The following TAFA1 variants were observed in gnomAD, a reference collection of about 807,000 sequenced individuals.
TAFA1 encodes the protein chemokine-like protein TAFA-1.
TAFA1 carries 4 observed loss-of-function variants against 18.5 expected under a neutral mutation model. The ratio of observed to expected loss-of-function variants is 0.22; its 90% CI spans 0.11 to 0.49. The LOEUF (loss-of-function observed/expected upper bound fraction) is 0.49. TAFA1 is among the 20% of genes least tolerant of loss of function. The pLI is 0.98. For missense variants in TAFA1, 147 were observed against 169.0 expected, an observed-to-expected ratio of 0.87 and a Z score of 0.72; for synonymous variants, 56 against 55.2, an observed-to-expected ratio of 1.01 and a Z score of -0.06.
In TAFA1 at chr3:68,406,219, T is replaced by G. The variant is rs1019087855; in HGVS notation, c.119-11061T>G. On this transcript the variant is annotated intron_variant, in intron 2 of 4. Coordinates refer to ENST00000478136, the MANE Select transcript of TAFA1 (RefSeq NM_213609.4). ...AAATTAGTATAGCCAGAGGAGTTAT[T>G]CATATAAAATAGCATGGCCTATGTC... Among the ~76,000 whole-genome samples the G allele has an allele frequency of 3.9e-5, 6 of 152,262 alleles. No individual in the cohort carries two copies. The South Asian group carries it at 6.2e-4, about 16-fold the overall frequency.
chr3:68,146,286 C>T (rs763893512), intron 2 of TAFA1, among the ~76,000 whole-genome samples: 12 of 152,126 alleles, frequency 7.9e-5, no homozygotes, highest in South Asian at 2.1e-4. Flanking sequence ...TTGAGGCTGG[C>T]GTAGGGACCA....
At chr3:68,316,702 G>C (rs554572892) in intron 2 of TAFA1, among the ~76,000 whole-genome samples, 81 of 152,216 alleles carry the variant, frequency 5.3e-4, no homozygotes, top group Middle Eastern at 3.4e-3. Context: ...TGCTATACTA[G>C]GTACCAGGGG....
At chr3:68,089,440 A>G (rs2065007291) in intron 2 of TAFA1, among the ~76,000 whole-genome samples, 1 of 152,218 alleles carries the variant, frequency 6.6e-6, no homozygotes, top group Non-Finnish European at 1.5e-5. Flanking sequence ...GTTAATAAAC[A>G]TGAACACTCT....
chr3:68,256,115 C>A (rs1369408056), intron 2 of TAFA1, among the ~76,000 whole-genome samples: 2 of 152,050 alleles, frequency 1.3e-5, no homozygotes, highest in Non-Finnish European at 2.9e-5. Flanking sequence ...CTACTCCAAG[C>A]ACCTTTAGAC....
At chr3:68,104,591 T>C (rs1371836547) in intron 2 of TAFA1, among the ~76,000 whole-genome samples, 1 of 152,058 alleles carries the variant, frequency 6.6e-6, no homozygotes, top group African/African-American at 2.4e-5. Context: ...GATCTGTAAC[T>C]CTAAACCAGG....
At chr3:68,145,408 C>A (rs1213549814) in intron 2 of TAFA1, 5 of 848,646 alleles carry the variant, frequency 5.9e-6, no homozygotes, top group Non-Finnish European at 1.0e-5. Context: ...ATTTTGCAGC[C>A]TTTGTTGGAC....
chr3:68,223,203 C>T (rs2066753903), intron 2 of TAFA1, among the ~76,000 whole-genome samples: 1 of 152,148 alleles, frequency 6.6e-6, no homozygotes, highest in Non-Finnish European at 1.5e-5. Flanking sequence ...ATTATTTAGA[C>T]ACTTCCAACA....
chr3:68,020,185 T>A (rs1386712033), intron 2 of TAFA1, among the ~76,000 whole-genome samples: 3 of 152,226 alleles, frequency 2.0e-5, no homozygotes, highest in Admixed American at 2.0e-4. Flanking sequence ...CCACGTAGCA[T>A]CTACTTACAT....
chr3:68,482,720 T>A (rs1267680854), intron 3 of TAFA1, among the ~76,000 whole-genome samples: 2 of 152,202 alleles, frequency 1.3e-5, no homozygotes, highest in Non-Finnish European at 2.9e-5. Context: ...TTAACATAGT[T>A]CTGAGCCAAT....
chr3:68,047,942 C>T (rs1448413814), intron 2 of TAFA1, among the ~76,000 whole-genome samples: 2 of 152,034 alleles, frequency 1.3e-5, no homozygotes, highest in African/African-American at 4.8e-5. Context: ...TGAAGTTGGC[C>T]ACATGCTTGT....
intron 2 of TAFA1, among the ~76,000 whole-genome samples, chr3:68,110,005 T>C (rs1230602812): frequency 1.3e-5 from 2 of 152,310 alleles, no homozygotes; most frequent in Admixed American, 6.5e-5. Context: ...CTGGGATACA[T>C]GTGCAGCATG....
intron 2 of TAFA1, among the ~76,000 whole-genome samples, chr3:68,134,223 G>C (rs1421017824): frequency 6.6e-6 from 1 of 152,144 alleles, no homozygotes; most frequent in African/African-American, 2.4e-5. Context: ...AGATTTGATA[G>C]TGAATGGATT....
intron 2 of TAFA1, among the ~76,000 whole-genome samples, chr3:68,284,518 C>T (rs2067960322): frequency 6.6e-6 from 1 of 152,198 alleles, no homozygotes; most frequent in Non-Finnish European, 1.5e-5. Context: ...TCCAATCATG[C>T]TTTTAGCAGC....
At chr3:68,140,688 G>T (rs1162061298) in intron 2 of TAFA1, among the ~76,000 whole-genome samples, 1 of 152,164 alleles carries the variant, frequency 6.6e-6, no homozygotes. Flanking sequence ...AGAATTCAGT[G>T]CATTAAAGCA....
chr3:68,157,297 A>G (rs186955049), intron 2 of TAFA1, among the ~76,000 whole-genome samples: 1 of 152,344 alleles, frequency 6.6e-6, no homozygotes, highest in African/African-American at 2.4e-5. Flanking sequence ...TTATAGGTTC[A>G]TGATCTTAAA....
chr3:68,319,053 G>A (rs987217972), intron 2 of TAFA1, among the ~76,000 whole-genome samples: 2 of 152,014 alleles, frequency 1.3e-5, no homozygotes, highest in Non-Finnish European at 2.9e-5. Context: ...CTTTCACAAT[G>A]TACTTGAGGT....
chr3:68,062,026 G>C (rs993512991), intron 2 of TAFA1, among the ~76,000 whole-genome samples: 1 of 152,076 alleles, frequency 6.6e-6, no homozygotes, highest in Non-Finnish European at 1.5e-5. Context: ...ACATATACTA[G>C]ACATAAGTAT....
intron 2 of TAFA1, among the ~76,000 whole-genome samples, chr3:68,022,464 T>G (rs1704711939): frequency 6.6e-6 from 1 of 152,056 alleles, no homozygotes; most frequent in Non-Finnish European, 1.5e-5. Flanking sequence ...CTTCTTTCCT[T>G]TCTTGGAGGG....
At chr3:68,239,571 A>G (rs1322623121) in intron 2 of TAFA1, among the ~76,000 whole-genome samples, 2 of 152,172 alleles carry the variant, frequency 1.3e-5, no homozygotes, top group Non-Finnish European at 2.9e-5. Flanking sequence ...CACCATGATG[A>G]TGATATTACT....
Sources: allele counts gnomAD v4.1 joint callset (sites outside exome capture counted in the v4.1 genomes callset), GRCh38; gene constraint gnomAD v4.1.1; transcripts MANE v1.5; gene names NCBI Gene and HGNC (gene_info 2026-07-23, HGNC 2026-07-21).